The following TACC1 variants were observed in gnomAD, a reference collection of about 807,000 sequenced individuals.
TACC1 encodes transforming acidic coiled-coil-containing protein 1.
TACC1 carries 48 observed loss-of-function variants against 84.4 expected under a neutral mutation model. The ratio of observed to expected loss-of-function variants is 0.57; its 90% CI spans 0.45 to 0.72. The LOEUF (loss-of-function observed/expected upper bound fraction) is 0.72, where lower values mean the gene tolerates loss of function less well. TACC1 is among the 30% of genes least tolerant of loss of function. The probability of loss-of-function intolerance (pLI) is 0.00; values close to 1 mark genes in which losing one functional copy is unlikely to be tolerated. For synonymous variants in TACC1, 372 were observed against 376.3 expected (o/e 0.99, Z 0.13); for missense variants, 920 against 973.0 (o/e 0.95, Z 0.72).
At chr8:38,779,408 G>A (rs2151936030) in intron 3 of TACC1, among the ~76,000 whole-genome samples, 1 of 152,324 alleles carries the variant, frequency 6.6e-6, no homozygotes, top group South Asian at 2.1e-4. Context: ...CTCCCACTGG[G>A]CATTTGGGGA....
At chr8:38,819,125 T>G (rs1826099385) in intron 2 of TACC1, among the ~76,000 whole-genome samples, 1 of 152,226 alleles carries the variant, frequency 6.6e-6, no homozygotes, top group Non-Finnish European at 1.5e-5. Context: ...GCTTAGGAAC[T>G]GTCTCAGCAC....
chr8:38,774,222 G>A (rs1374345015), intron 3 of TACC1, among the ~76,000 whole-genome samples: 1 of 152,186 alleles, frequency 6.6e-6, no homozygotes, highest in East Asian at 1.9e-4. Flanking sequence ...CTCCACCGAT[G>A]CCGTCCACCA....
At chr8:38,798,433 C>G (rs1587776688) in intron 2 of TACC1, among the ~76,000 whole-genome samples, 1 of 152,198 alleles carries the variant, frequency 6.6e-6, no homozygotes, top group African/African-American at 2.4e-5. Flanking sequence ...TTAGGGGGAG[C>G]CTCTCTCAGG....
At chr8:38,835,560 G>T (rs1333526247) in intron 6 of TACC1, among the ~76,000 whole-genome samples, 2 of 152,242 alleles carry the variant, frequency 1.3e-5, no homozygotes, top group African/African-American at 4.8e-5. Context: ...CAGCAGGCTG[G>T]GTTACAGCAG....
At chr8:38,732,417 A>AAAC (rs1400121965) in intron 1 of TACC1, among the ~76,000 whole-genome samples, 1 of 151,538 alleles carries the variant, frequency 6.6e-6, no homozygotes, top group Admixed American at 6.6e-5. Context: ...AGCTGATTTA[A>AAAC]AACAACAACA....
chr8:38,789,264 A>G (rs141305789), intron 2 of TACC1, among the ~76,000 whole-genome samples: 2 of 152,288 alleles, frequency 1.3e-5, no homozygotes, highest in African/African-American at 4.8e-5. Flanking sequence ...ACTTCCATGC[A>G]GGGATGTGGT....
intron 2 of TACC1, among the ~76,000 whole-genome samples, chr8:38,790,819 T>C (rs1392071422): frequency 3.3e-5 from 5 of 152,230 alleles, no homozygotes; most frequent in African/African-American, 1.2e-4. Flanking sequence ...CAACTTGCCC[T>C]AGGCTGCATT....
At chr8:38,844,431 C>T (rs1831840025) in intron 11 of TACC1, among the ~76,000 whole-genome samples, 1 of 152,154 alleles carries the variant, frequency 6.6e-6, no homozygotes, top group Non-Finnish European at 1.5e-5. Flanking sequence ...GCCTCAGCTT[C>T]CCAAAGTGCT....
chr8:38,828,570 A>G (rs900938562), intron 5 of TACC1, among the ~76,000 whole-genome samples: 1 of 152,164 alleles, frequency 6.6e-6, no homozygotes, highest in Non-Finnish European at 1.5e-5. Context: ...GTTTGTTCCA[A>G]TTCCTCTTGG....
In TACC1 at chr8:38,849,326, A is replaced by G. The variant is rs1204050498; in HGVS notation, c.*1303A>G. 1.3e-5 allele frequency: 2 copies of G among 152,226 alleles called. No homozygotes were observed. The highest frequency in any genetic ancestry group is 2.4e-5 in the African/African-American group (1 of 41,456). The allele number at this position is 152,226 out of a possible 1,614,324, so 9.4% of individuals were successfully genotyped here. A position where few individuals can be genotyped will look rare whatever the true frequency, so the allele number is the denominator to read the frequency against. On this transcript the variant is annotated 3_prime_UTR_variant, in exon 13 of 13. Coordinates refer to ENST00000317827, the MANE Select transcript of TACC1 (RefSeq NM_006283.3). Reference sequence around the variant, plus strand: ...AATTCCTCAAGCTCTTACTGGACTCAGTTCAGAGTGGTGGGCCATTAACCC... The same window carrying G: ...AATTCCTCAAGCTCTTACTGGACTCGGTTCAGAGTGGTGGGCCATTAACCC...
At chr8:38,755,742 A>ACAACAACAT in intron 3 of TACC1, among the ~76,000 whole-genome samples, 1 of 93,318 alleles carries the variant, frequency 1.1e-5, no homozygotes, top group East Asian at 1.9e-4. Flanking sequence ...AACAACAACA[A>ACAACAACAT]CAACAACAAC....
intron 2 of TACC1, among the ~76,000 whole-genome samples, chr8:38,817,958 G>A (rs1341973970): frequency 7.3e-6 from 1 of 137,316 alleles, no homozygotes; most frequent in Non-Finnish European, 1.5e-5. Context: ...CAGGCTGGAC[G>A]CAGTGGCTTA....
chr8:38,836,683 C>T (rs1211000484), intron 7 of TACC1, among the ~76,000 whole-genome samples: 2 of 152,168 alleles, frequency 1.3e-5, no homozygotes, highest in African/African-American at 4.8e-5. Context: ...TACTTTCATC[C>T]ATTCTTTAAA....
At chr8:38,747,504 G>C (rs1168669376) in intron 3 of TACC1, among the ~76,000 whole-genome samples, 1 of 152,136 alleles carries the variant, frequency 6.6e-6, no homozygotes, top group Non-Finnish European at 1.5e-5. Flanking sequence ...CCAGACAATG[G>C]AATATTATTC....
At chr8:38,815,611 G>T (rs1157296187) in intron 2 of TACC1, among the ~76,000 whole-genome samples, 1 of 152,034 alleles carries the variant, frequency 6.6e-6, no homozygotes, top group African/African-American at 2.4e-5. Flanking sequence ...TAGAGATGGG[G>T]TTTCACCATG....
chr8:38,769,129 GTGGTATAT>G (rs1812897529), intron 3 of TACC1, among the ~76,000 whole-genome samples: 1 of 148,622 alleles, frequency 6.7e-6, no homozygotes, highest in Admixed American at 6.7e-5. Flanking sequence ...GGGGGTGTGT[GTGGTATAT>G]GTGTGACTAG....
chr8:38,833,628 AC>A lies in TACC1; in HGVS notation c.1713+2452del, dbSNP rs1291252655. ...CAGGATGCTGCCTCTTCCAGACCCC[AC>A]ATGTGTTAGCATTGAGTTGTTAAGC... On this transcript the variant is annotated intron_variant, in intron 6 of 12. Transcript: ENST00000317827. Among the ~76,000 whole-genome samples, 9 of 152,320 alleles carry A rather than the reference AC, an allele frequency of 5.9e-5. 1 individual carries two copies. Among genetic ancestry groups the A allele is most frequent in the African/African-American group, 2.2e-4 (9 of 41,574 alleles).
intron 6 of TACC1, among the ~76,000 whole-genome samples, chr8:38,832,279 G>C (rs950718114): frequency 1.3e-5 from 2 of 152,202 alleles, no homozygotes; most frequent in African/African-American, 4.8e-5. Flanking sequence ...ATACACTGTT[G>C]TGTTAGAATA....
chr8:38,739,381 A>C (rs1279367898), intron 1 of TACC1, among the ~76,000 whole-genome samples: 4 of 152,232 alleles, frequency 2.6e-5, no homozygotes, highest in South Asian at 4.1e-4. Flanking sequence ...ATGTACACAT[A>C]TAGTGGTATT....
Sources: gnomAD v4.1 joint callset for allele counts (sites outside exome capture counted in the v4.1 genomes callset) on GRCh38, gnomAD v4.1.1 for gene constraint, MANE v1.5 for transcripts, NCBI Gene and HGNC (gene_info 2026-07-23, HGNC 2026-07-21) for gene names.